The following RBBP8NL variants were observed in gnomAD, a reference collection of about 807,000 sequenced individuals.
RBBP8NL encodes the protein RBBP8 N-terminal like.
Under a neutral mutation model 62.2 loss-of-function variants are expected in RBBP8NL, and 59 were observed. The observed-to-expected ratio is 0.95, with a 90% CI of 0.77 to 1.18. The LOEUF is 1.18. RBBP8NL is among the 50% of genes most tolerant of loss of function. The pLI is 0.00. For missense variants in RBBP8NL, 896 were observed against 899.5 expected (o/e 1.00, Z 0.05); for synonymous variants, 412 against 394.1 (o/e 1.05, Z -0.54).
chr20:62,416,064 G>A, intron 6 of RBBP8NL, 100 bp downstream of exon 6: 1 of 1,474,160 alleles, frequency 6.8e-7, no homozygotes, highest in Non-Finnish European at 9.3e-7. Context: ...CACTGCCTGA[G>A]AGTCCTCCAT....
chr20:62,426,918 C>T (rs940580699), intron 1 of RBBP8NL, among the ~76,000 whole-genome samples: 9 of 152,236 alleles, frequency 5.9e-5, no homozygotes, highest in African/African-American at 1.9e-4. Flanking sequence ...TGCTCTCCTG[C>T]CCTGCCGGCT....
At chr20:62,423,603 G>T (rs1988751579) in intron 1 of RBBP8NL, among the ~76,000 whole-genome samples, 1 of 152,212 alleles carries the variant, frequency 6.6e-6, no homozygotes, top group South Asian at 2.1e-4. Flanking sequence ...GGGAGCCCAT[G>T]GTGCCTGCGG....
At chr20:62,422,304 G>A (rs1052089436) in intron 1 of RBBP8NL, among the ~76,000 whole-genome samples, 1 of 151,954 alleles carries the variant, frequency 6.6e-6, no homozygotes, top group Non-Finnish European at 1.5e-5. Context: ...GAACAGGACC[G>A]CCTAACCCCA....
At position 62,411,097 on chromosome 20, in the gene RBBP8NL, A is replaced by G. The variant is rs987900079; in HGVS notation, c.1877-101T>C. On this transcript the variant is annotated intron_variant, in intron 13 of 13. Coordinates refer to ENST00000252998, the MANE Select transcript of RBBP8NL (RefSeq NM_080833.3). The stretch of plus-strand genomic sequence containing the variant: ...TCCTGGGTCTCCTCTGGGCACGGGG[A>G]GCTGGGTGCTTGGGGAAGTTTGCTG... 5.3e-5 allele frequency: 40 copies of G among 758,960 alleles called. No individual in the cohort carries two copies. The African/African-American group carries it at 5.6e-4, about 11-fold the overall frequency. 47.0% of individuals were successfully genotyped at this position (758,960 alleles called of 1,614,324 possible).
chr20:62,412,516 T>C, intron 13 of RBBP8NL, 108 bp downstream of exon 13: 2 of 1,426,218 alleles, frequency 1.4e-6, no homozygotes, highest in Admixed American at 1.8e-5. Flanking sequence ...TCCATCATTC[T>C]GAGGCTGCCA....
intron 2 of RBBP8NL, 142 bp from the exon 3 acceptor site, chr20:62,418,607 CT>C (rs1307046730): frequency 4.7e-6 from 4 of 843,758 alleles, no homozygotes; most frequent in African/African-American, 3.3e-5. Flanking sequence ...AGGTGAGCCC[CT>C]GTCTGTGCCC....
chr20:62,421,690 T>C (rs1282364913), intron 1 of RBBP8NL, among the ~76,000 whole-genome samples: 1 of 149,340 alleles, frequency 6.7e-6, no homozygotes, highest in Non-Finnish European at 1.5e-5. Flanking sequence ...CAAGCCAGTG[T>C]GCATGTGTGT....
chr20:62,415,568 C>T lies in RBBP8NL; in HGVS notation c.627+10G>A, dbSNP rs1569024587. 5.0e-6 allele frequency: 8 copies of T among 1,612,624 alleles called. No individual in the cohort carries two copies. The highest frequency in any genetic ancestry group is 5.9e-6 in the Non-Finnish European group (7 of 1,179,862). ...GCTGCACATGGTGGGCTCCCGGTCC[C>T]TGCCCTTACCATGTCTGGGGCTCGC... On this transcript the variant is annotated intron_variant, in intron 8 of 13. Coordinates refer to ENST00000252998, the MANE Select transcript of RBBP8NL (RefSeq NM_080833.3).
intron 1 of RBBP8NL, among the ~76,000 whole-genome samples, chr20:62,425,931 C>G (rs1224050575): frequency 3.3e-5 from 5 of 150,920 alleles, no homozygotes; most frequent in African/African-American, 4.9e-5. Flanking sequence ...GTGGCAGTGA[C>G]AGTAGCAGTA....
chr20:62,416,706 G>A, intron 5 of RBBP8NL, 54 bp downstream of exon 5: 3 of 1,283,350 alleles, frequency 2.3e-6, no homozygotes, highest in Middle Eastern at 3.7e-4. Context: ...AACAGGCCTG[G>A]GGTCGCCTGG....
At chr20:62,412,952 C>T in intron 11 of RBBP8NL, 52 bp from the exon 12 acceptor site, 2 of 1,595,890 alleles carry the variant, frequency 1.3e-6, no homozygotes, top group Non-Finnish European at 1.7e-6. Context: ...CCGGGAGTCT[C>T]CCGAGCCTGC....
At chr20:62,426,565 A>G (rs1037473655) in intron 1 of RBBP8NL, among the ~76,000 whole-genome samples, 2 of 152,224 alleles carry the variant, frequency 1.3e-5, no homozygotes, top group Non-Finnish European at 2.9e-5. Flanking sequence ...GGACCTGGAC[A>G]TGGCCTCAGA....
At chr20:62,411,169 C>T (rs1430049422) in intron 13 of RBBP8NL, among the ~76,000 whole-genome samples, 173 bp from the exon 14 acceptor site, 2 of 152,316 alleles carry the variant, frequency 1.3e-5, no homozygotes, top group Admixed American at 6.5e-5. Flanking sequence ...AGGGGTAGCC[C>T]GATCTGAGGG....
chr20:62,420,379 C>CAT lies in RBBP8NL; in HGVS notation c.-83-650_-83-649insAT, dbSNP rs1482428155. Among the ~76,000 whole-genome samples the CAT allele has an allele frequency of 8.8e-3, 1,277 of 145,822 alleles. 106 individuals are homozygous for CAT. The highest frequency in any genetic ancestry group is 0.019 in the African/African-American group (696 of 37,332). On this transcript the variant is annotated intron_variant, in intron 1 of 13. Transcript: ENST00000252998. Reference sequence around the variant, plus strand: ...ACACACACACACACACACACACACACACACACACACACACAGATAGCATGT... The same window carrying CAT: ...ACACACACACACACACACACACACACATACACACACACACACAGATAGCATGT...
chr20:62,417,416 C>A, intron 3 of RBBP8NL, 97 bp from the exon 4 acceptor site: 1 of 934,926 alleles, frequency 1.1e-6, no homozygotes, highest in South Asian at 1.5e-5. Flanking sequence ...GATTCGGCAC[C>A]TGCAGCCTTG....
Position 62,419,506 on chromosome 20 carries a change from G to C in RBBP8NL, c.61+81C>G, listed in dbSNP as rs952403258. ...TGGTGGGAATTGGAGGTGATCATGG[G>C]TGCACAGTGGCCTGCTCCGACCCTT... On this transcript the variant is annotated intron_variant, in intron 2 of 13. Coordinates refer to ENST00000252998, the MANE Select transcript of RBBP8NL (RefSeq NM_080833.3). The C allele has an allele frequency of 1.6e-5, 23 of 1,437,094 alleles. No individual in the cohort carries two copies. The Admixed American group carries it at 3.6e-4, about 23-fold the overall frequency. The allele number at this position is 1,437,094 out of a possible 1,614,324, so 89.0% of individuals were successfully genotyped here. A position where few individuals can be genotyped will look rare whatever the true frequency, so the allele number is the denominator to read the frequency against.
At chr20:62,422,548 TGGGGTGGGGA>T (rs1988723492) in intron 1 of RBBP8NL, among the ~76,000 whole-genome samples, 1 of 3,692 alleles carries the variant, frequency 2.7e-4, no homozygotes, top group Non-Finnish European at 5.3e-4. Context: ...CCATGGGGCC[TGGGGTGGGGA>T]CGGGGACTGG....
intron 11 of RBBP8NL, among the ~76,000 whole-genome samples, chr20:62,413,108 C>T (rs575324610): frequency 1.3e-5 from 2 of 152,264 alleles, no homozygotes; most frequent in Admixed American, 6.5e-5. Context: ...GGTTCCCGCC[C>T]CTGGCTTGGA....
rs1988629072 is a variant in RBBP8NL, at chr20:62,418,437, G to T, written c.90C>A (p.Asn30Lys). The T allele has an allele frequency of 1.3e-6, 2 of 1,550,398 alleles. No individual in the cohort carries two copies. The highest frequency in any genetic ancestry group is 1.7e-6 in the Non-Finnish European group (2 of 1,146,934). The change falls in exon 3 of 14, where the codon AAC becomes AAA. Residue 30 changes from asparagine (N) to lysine (K), a missense_variant. Transcript: ENST00000252998. ...GCCTGACTCACCGGCACCTCTCTGA[G>T]TTCAGTTCCAGAAGCTTGTTCTGCA... ...LGLQNKLLEL[N>K]SERCRDAQRI...
Sources: allele counts gnomAD v4.1 joint callset (sites outside exome capture counted in the v4.1 genomes callset), GRCh38; gene constraint gnomAD v4.1.1; transcripts MANE v1.5; gene names NCBI Gene and HGNC (gene_info 2026-07-23, HGNC 2026-07-21).